The following PPP6C variants were observed in gnomAD, a reference collection of about 807,000 sequenced individuals.
PPP6C encodes the protein serine/threonine-protein phosphatase 6 catalytic subunit.
Under a neutral mutation model 39.8 loss-of-function variants are expected in PPP6C, and 11 were observed. The observed-to-expected ratio is 0.28, with a 90% CI of 0.17 to 0.46. The LOEUF is 0.46. Among genes scored for constraint, PPP6C ranks in the 20% least tolerant of loss-of-function variants. The pLI is 1.00. For missense variants in PPP6C, 211 were observed against 373.9 expected (o/e 0.56, Z 3.59); for synonymous variants, 129 against 130.3 (o/e 0.99, Z 0.07).
chr9:125,159,524 T>G (rs1176316059), intron 3 of PPP6C, among the ~76,000 whole-genome samples: 5 of 152,100 alleles, frequency 3.3e-5, no homozygotes, highest in Non-Finnish European at 5.9e-5. Flanking sequence ...TTTTTTATTT[T>G]AAGAATCATT....
chr9:125,189,501 C>A, intron 1 of PPP6C, 143 bp downstream of exon 1: 1 of 1,458,592 alleles, frequency 6.9e-7, no homozygotes, highest in Non-Finnish European at 9.0e-7. Context: ...CGGCGTGACG[C>A]CGGGTAGGAC....
chr9:125,177,601 C>G (rs1829330812), intron 1 of PPP6C, among the ~76,000 whole-genome samples: 1 of 152,080 alleles, frequency 6.6e-6, no homozygotes, highest in Non-Finnish European at 1.5e-5. Flanking sequence ...CCCTGCCCCT[C>G]CCCACAGCCT....
At chr9:125,178,531 C>T (rs917941290) in intron 1 of PPP6C, among the ~76,000 whole-genome samples, 29 of 152,094 alleles carry the variant, frequency 1.9e-4, no homozygotes, top group Non-Finnish European at 5.9e-5. Flanking sequence ...CTTTAAGGGA[C>T]AAACCAGGCA....
intron 2 of PPP6C, among the ~76,000 whole-genome samples, chr9:125,166,529 CTTTT>C (rs1196980211): frequency 8.0e-6 from 1 of 125,764 alleles, no homozygotes; most frequent in Non-Finnish European, 1.7e-5. Context: ...AAGTATTTTT[CTTTT>C]TCTTTTTTTT....
intron 1 of PPP6C, among the ~76,000 whole-genome samples, chr9:125,178,536 C>G (rs948037674): frequency 9.2e-5 from 14 of 152,052 alleles, no homozygotes; most frequent in African/African-American, 3.1e-4. Flanking sequence ...AGGGACAAAC[C>G]AGGCAAGTAG....
At chr9:125,171,481 A>ATATG (rs1829160168) in intron 1 of PPP6C, among the ~76,000 whole-genome samples, 2 of 22,544 alleles carry the variant, frequency 8.9e-5, no homozygotes, top group South Asian at 2.7e-3. Context: ...ACACACACAT[A>ATATG]TATATATATA....
intron 1 of PPP6C, chr9:125,171,901 A>G (rs544431287): frequency 4.7e-5 from 22 of 464,240 alleles, no homozygotes; most frequent in African/African-American, 4.4e-4. Context: ...TGCAAACCAC[A>G]CACTTACCAT....
chr9:125,150,899 G>A, intron 6 of PPP6C: 3 of 884,420 alleles, frequency 3.4e-6, no homozygotes, highest in Non-Finnish European at 5.8e-6. Flanking sequence ...CAGCGAGCCA[G>A]CTTACTGCAG....
chr9:125,151,080 T>C (rs1222484148), intron 6 of PPP6C: 1 of 1,328,520 alleles, frequency 7.5e-7, no homozygotes, highest in Non-Finnish European at 1.1e-6. Context: ...ACTATCTGTA[T>C]GCAGAGCCAG....
intron 1 of PPP6C, among the ~76,000 whole-genome samples, chr9:125,180,327 T>C (rs1361203904): frequency 6.6e-6 from 1 of 152,240 alleles, no homozygotes; most frequent in Non-Finnish European, 1.5e-5. Flanking sequence ...ATGATACATA[T>C]TTATTTTTAT....
rs1451517089 is a variant in PPP6C, at chr9:125,147,759, T to A, written c.*1914A>T. ...GGCTGGGAGTTACCGGTTCTATTAGTACAACTTAAGTGGAAAGCAAGCACT... is the reference window on the plus strand; with the variant it reads ...GGCTGGGAGTTACCGGTTCTATTAGAACAACTTAAGTGGAAAGCAAGCACT... On this transcript the variant is annotated 3_prime_UTR_variant, in exon 7 of 7. Transcript: ENST00000373547. 1.3e-5 allele frequency: 2 copies of A among 151,976 alleles called. No homozygotes were observed. Among genetic ancestry groups the A allele is most frequent in the Non-Finnish European group, 2.9e-5 (2 of 67,984 alleles). 9.4% of individuals were successfully genotyped at this position (151,976 alleles called of 1,614,324 possible).
chr9:125,188,535 C>T (rs1261722622), intron 1 of PPP6C, among the ~76,000 whole-genome samples: 1 of 152,104 alleles, frequency 6.6e-6, no homozygotes, highest in African/African-American at 2.4e-5. Flanking sequence ...CCTGTAATAC[C>T]AGCACTTTGG....
intron 1 of PPP6C, among the ~76,000 whole-genome samples, chr9:125,180,768 T>C (rs1829404356): frequency 6.6e-6 from 1 of 152,166 alleles, no homozygotes; most frequent in African/African-American, 2.4e-5. Flanking sequence ...ATGTAACTGG[T>C]TCTCCTAGTC....
chr9:125,167,965 A>C (rs148775146), intron 2 of PPP6C, among the ~76,000 whole-genome samples: 29 of 152,220 alleles, frequency 1.9e-4, no homozygotes, highest in Admixed American at 8.5e-4. Context: ...AGACTTTTCA[A>C]ATAATGGATA....
At chr9:125,152,249 C>T (rs1835966311) in intron 6 of PPP6C, among the ~76,000 whole-genome samples, 1 of 152,080 alleles carries the variant, frequency 6.6e-6, no homozygotes, top group Non-Finnish European at 1.5e-5. Flanking sequence ...TTTGGCTTTA[C>T]CTTCATCCAT....
chr9:125,178,942 T>C (rs1564157521), intron 1 of PPP6C, among the ~76,000 whole-genome samples: 1 of 152,130 alleles, frequency 6.6e-6, no homozygotes, highest in Non-Finnish European at 1.5e-5. Flanking sequence ...AGGCCAGGCA[T>C]GGTGGCTCAC....
At chr9:125,176,006 A>ATGGGGTGC (rs1479029824) in intron 1 of PPP6C, among the ~76,000 whole-genome samples, 1 of 152,166 alleles carries the variant, frequency 6.6e-6, no homozygotes, top group African/African-American at 2.4e-5. Flanking sequence ...TAGAAGAGGG[A>ATGGGGTGC]TGGGGTGCTG....
intron 1 of PPP6C, chr9:125,188,990 G>C (rs1310416671): frequency 7.0e-7 from 1 of 1,428,196 alleles, no homozygotes; most frequent in Non-Finnish European, 9.6e-7. Context: ...TGTATTTATT[G>C]AGAACCAACT....
chr9:125,150,932 C>T, intron 6 of PPP6C: 2 of 1,090,616 alleles, frequency 1.8e-6, no homozygotes, highest in South Asian at 1.2e-5. Flanking sequence ...TCCCTTATGC[C>T]CAGCAGGATA....
Sources: allele counts gnomAD v4.1 joint callset (sites outside exome capture counted in the v4.1 genomes callset), GRCh38; gene constraint gnomAD v4.1.1; transcripts MANE v1.5; gene names NCBI Gene and HGNC (gene_info 2026-07-23, HGNC 2026-07-21).